Variants in FAF2 observed in about 807,000 individuals in gnomAD.
FAF2 encodes Fas associated factor family member 2.
In FAF2, 9 loss-of-function variants were observed where a neutral mutation model predicts 62.3. The observed-to-expected ratio is 0.14, with a 90% CI of 0.09 to 0.25. FAF2 has a LOEUF of 0.25. Among genes scored for constraint, FAF2 ranks in the 10% least tolerant of loss-of-function variants. The pLI is 1.00. For missense variants in FAF2, 368 were observed against 556.2 expected, an observed-to-expected ratio of 0.66 and a Z score of 3.40; for synonymous variants, 202 against 198.0, an observed-to-expected ratio of 1.02 and a Z score of -0.17.
At chr5:176,454,591 A>G (rs1253276912) in intron 1 of FAF2, among the ~76,000 whole-genome samples, 4 of 24,320 alleles carry the variant, frequency 1.6e-4, no homozygotes, top group African/African-American at 3.1e-4. Context: ...AAAAAAAAAA[A>G]AAAAAAAAAA....
intron 2 of FAF2, among the ~76,000 whole-genome samples, chr5:176,479,695 G>T (rs1758758496): frequency 6.6e-6 from 1 of 151,956 alleles, no homozygotes; most frequent in African/African-American, 2.4e-5. Flanking sequence ...TCACTATAAT[G>T]CCTCTGATTT....
chr5:176,495,612 A>G (rs1457950107), intron 7 of FAF2, among the ~76,000 whole-genome samples: 3 of 151,672 alleles, frequency 2.0e-5, no homozygotes, highest in Admixed American at 6.6e-5. Context: ...CCCGGGTTCA[A>G]GCGATTCTCC....
intron 1 of FAF2, among the ~76,000 whole-genome samples, chr5:176,453,862 TAGACAACA>T (rs1409939778): frequency 4.0e-5 from 6 of 151,186 alleles, no homozygotes; most frequent in Non-Finnish European, 7.4e-5. Flanking sequence ...AAGACCAGCC[TAGACAACA>T]TGGTGAAACC....
At chr5:176,464,318 A>T (rs1465784954) in intron 1 of FAF2, among the ~76,000 whole-genome samples, 1 of 152,030 alleles carries the variant, frequency 6.6e-6, no homozygotes, top group Non-Finnish European at 1.5e-5. Flanking sequence ...TTCATGTGGT[A>T]TTTATGTATA....
Position 176,492,208 on chromosome 5 carries a change from T to A in FAF2, c.359T>A (p.Phe120Tyr). The A allele has an allele frequency of 6.2e-7, 1 of 1,614,210 alleles. No individual in the cohort carries two copies. Among genetic ancestry groups the A allele is most frequent in the Non-Finnish European group, 8.5e-7 (1 of 1,180,028 alleles). Residue 120 changes from phenylalanine (F) to tyrosine (Y), a missense_variant, in exon 5 of 11, where the codon TTT becomes TAT. Transcript: ENST00000261942. Reference protein sequence around the residue: ...ILDIFRFALRFIRPDPRSRVT... With the variant: ...ILDIFRFALRYIRPDPRSRVT... The stretch of plus-strand genomic sequence containing the variant: ...TTCCTCCCCAGGTTTGCTCTTCGTT[T>A]TATACGGCCTGACCCTCGCAGCCGG...
At chr5:176,505,926 T>C (rs1408287229) in intron 10 of FAF2, among the ~76,000 whole-genome samples, 1 of 152,038 alleles carries the variant, frequency 6.6e-6, no homozygotes, top group Non-Finnish European at 1.5e-5. Context: ...CTCAGCACTT[T>C]ACGCCTGTAA....
chr5:176,472,215 C>T (rs1271927668), intron 1 of FAF2, among the ~76,000 whole-genome samples: 1 of 151,990 alleles, frequency 6.6e-6, no homozygotes, highest in Non-Finnish European at 1.5e-5. Context: ...ACTGCTTTCT[C>T]AGCTCACTGC....
chr5:176,473,097 A>G (rs1295770461), intron 1 of FAF2, among the ~76,000 whole-genome samples: 3 of 152,330 alleles, frequency 2.0e-5, no homozygotes, highest in East Asian at 3.9e-4. Context: ...TTGATACACT[A>G]TTATTAACAA....
At chr5:176,474,044 G>A (rs764238727) in intron 1 of FAF2, among the ~76,000 whole-genome samples, 1 of 152,206 alleles carries the variant, frequency 6.6e-6, no homozygotes, top group Admixed American at 6.5e-5. Flanking sequence ...TAGGCATTGG[G>A]TGTGCTTGCT....
At chr5:176,505,718 A>C (rs1019996341) in intron 10 of FAF2, among the ~76,000 whole-genome samples, 1 of 152,034 alleles carries the variant, frequency 6.6e-6, no homozygotes, top group African/African-American at 2.4e-5. Flanking sequence ...ATAATGTTTG[A>C]TTTTCCATTT....
chr5:176,483,199 G>A (rs2113735181), intron 2 of FAF2, among the ~76,000 whole-genome samples: 1 of 152,188 alleles, frequency 6.6e-6, no homozygotes, highest in Non-Finnish European at 1.5e-5. Context: ...TCAGACTACA[G>A]GTACATGCTA....
chr5:176,506,192 C>CAAAAAAAAAAAAAACAAAA (rs1755681044), intron 10 of FAF2, among the ~76,000 whole-genome samples: 1 of 64,798 alleles, frequency 1.5e-5, no homozygotes. Flanking sequence ...GAGACTCTCT[C>CAAAAAAAAAAAAAACAAAA]AAAAAAAAAA....
intron 3 of FAF2, 120 bp downstream of exon 3, chr5:176,486,609 G>T: frequency 9.9e-7 from 1 of 1,008,800 alleles, no homozygotes. Flanking sequence ...CTGTTAGTTA[G>T]ACTTGGCCCG....
chr5:176,501,119 TAAAA>T lies in FAF2; in HGVS notation c.1155+982_1155+985del, dbSNP rs990160029. On this transcript the variant is annotated intron_variant, in intron 10 of 10. Coordinates refer to ENST00000261942, the MANE Select transcript of FAF2 (RefSeq NM_014613.3). ...TCCAGCCCGGGCAACAGAGACCCTG[TAAAA>T]AAAAAAAATAAATAATAATAATAAT... is the stretch of plus-strand genomic sequence containing the variant. Among the ~76,000 whole-genome samples, 285 of 143,720 alleles carry T rather than the reference TAAAA, an allele frequency of 2.0e-3. 1 individual carries two copies. The highest frequency in any genetic ancestry group is 7.4e-3 in the Middle Eastern group (2 of 270). The allele number at this position is 143,720 out of a possible 152,430, so 94.3% of individuals were successfully genotyped here.
At position 176,506,753 on chromosome 5, in the gene FAF2, A is replaced by G. The variant is rs750124584; in HGVS notation, c.1156-15A>G. Reference sequence around the variant, plus strand: ...TTTTTCTCACCACCCTTCTTTTTCTATATGACCTCTGCAGGTAATCCACGA... The same window carrying G: ...TTTTTCTCACCACCCTTCTTTTTCTGTATGACCTCTGCAGGTAATCCACGA... On this transcript the variant is annotated splice_polypyrimidine_tract_variant and intron_variant, in intron 10 of 10. Transcript: ENST00000261942. The G allele has an allele frequency of 3.1e-6, 5 of 1,610,396 alleles. No homozygotes were observed. Among genetic ancestry groups the G allele is most frequent in the East Asian group, 4.5e-5 (2 of 44,772 alleles).
Position 176,507,076 on chromosome 5 carries a change from A to G in FAF2, c.*126A>G. ...CATATTATTATTATTATTATAATACAATATTTTTTTTAAAAGACTGCTGCA... is the reference window on the plus strand; with the variant it reads ...CATATTATTATTATTATTATAATACGATATTTTTTTTAAAAGACTGCTGCA... On this transcript the variant is annotated 3_prime_UTR_variant, in exon 11 of 11. Transcript: ENST00000261942. 2 of 538,636 alleles carry G rather than the reference A, an allele frequency of 3.7e-6. No individual in the cohort carries two copies. The highest frequency in any genetic ancestry group is 5.3e-6 in the Non-Finnish European group (2 of 380,490). The allele number at this position is 538,636 out of a possible 1,614,324, so 33.4% of individuals were successfully genotyped here.
At chr5:176,500,197 T>TTTGGAGCTTTTACTGACTCTTGAGA in intron 10 of FAF2, 51 bp downstream of exon 10, 2 of 1,570,796 alleles carry the variant, frequency 1.3e-6, no homozygotes, top group African/African-American at 2.7e-5. Context: ...GGGCTATAGA[T>TTTGGAGCTTTTACTGACTCTTGAGA]TTGGAGCTTT....
Position 176,488,973 on chromosome 5 carries a change from A to G in FAF2, c.290A>G (p.Tyr97Cys), listed in dbSNP as rs757095949. ...QPRGLLGWGYYLIMLPFRFTY... is the reference protein window; with the variant it reads ...QPRGLLGWGYCLIMLPFRFTY... ...CAGGGGCTGCTTGGATGGGGTTATTACTTGATAATGCTTCCATTCCGGTTT... is the reference window on the plus strand; with the variant it reads ...CAGGGGCTGCTTGGATGGGGTTATTGCTTGATAATGCTTCCATTCCGGTTT... The change falls in exon 4 of 11, where the codon TAC becomes TGC. Residue 97 changes from tyrosine to cysteine, a missense_variant. Coordinates refer to ENST00000261942, the MANE Select transcript of FAF2 (RefSeq NM_014613.3). 1 of 1,614,026 alleles carries G rather than the reference A, an allele frequency of 6.2e-7. No homozygotes were observed. Among genetic ancestry groups the G allele is most frequent in the Admixed American group, 1.7e-5 (1 of 60,002 alleles).
intron 1 of FAF2, among the ~76,000 whole-genome samples, chr5:176,477,681 A>G (rs1040909736): frequency 6.6e-6 from 1 of 152,236 alleles, no homozygotes; most frequent in Admixed American, 6.5e-5. Context: ...AAACTTGTAT[A>G]CCTAAAAATC....
Sources: gnomAD v4.1 joint callset for allele counts (sites outside exome capture counted in the v4.1 genomes callset) on GRCh38, gnomAD v4.1.1 for gene constraint, MANE v1.5 for transcripts, NCBI Gene and HGNC (gene_info 2026-07-23, HGNC 2026-07-21) for gene names.